Variants in DOCK3 observed in about 807,000 individuals in gnomAD.
DOCK3 encodes dedicator of cytokinesis protein 3.
In DOCK3, 60 loss-of-function variants were observed where a neutral mutation model predicts 265.6. The ratio of observed to expected loss-of-function variants is 0.23; its 90% CI spans 0.18 to 0.28. DOCK3 has a LOEUF of 0.28. Among genes scored for constraint, DOCK3 ranks in the 10% least tolerant of loss-of-function variants. DOCK3 has a pLI of 1.00. For synonymous variants in DOCK3, 881 were observed against 938.0 expected (o/e 0.94, Z 1.11); for missense variants, 1,981 against 2,594.3 (o/e 0.76, Z 5.14).
chr3:50,708,971 C>T (rs1301934840), intron 1 of DOCK3, among the ~76,000 whole-genome samples: 4 of 152,212 alleles, frequency 2.6e-5, no homozygotes, highest in Admixed American at 2.0e-4. Flanking sequence ...TGAAGCCCAC[C>T]ATCATCTCTC....
At chr3:50,765,743 C>T (rs1331333501) in intron 1 of DOCK3, among the ~76,000 whole-genome samples, 1 of 152,146 alleles carries the variant, frequency 6.6e-6, no homozygotes, top group Non-Finnish European at 1.5e-5. Flanking sequence ...TCACCTCAAG[C>T]ACTTGTCATT....
intron 5 of DOCK3, among the ~76,000 whole-genome samples, chr3:51,043,501 A>G (rs2080626319): frequency 6.6e-6 from 1 of 152,208 alleles, no homozygotes; most frequent in South Asian, 2.1e-4. Flanking sequence ...CAACCTAGGC[A>G]ATACCATTCA....
At chr3:50,906,642 G>A (rs994262354) in intron 4 of DOCK3, among the ~76,000 whole-genome samples, 2 of 151,748 alleles carry the variant, frequency 1.3e-5, no homozygotes, top group African/African-American at 4.8e-5. Context: ...CATCTATTTG[G>A]TTATTCTCTC....
chr3:50,782,576 AGT>A (rs145578993), intron 2 of DOCK3, among the ~76,000 whole-genome samples: 10,336 of 147,186 alleles, frequency 0.07, 847 homozygotes, highest in African/African-American at 0.2. Flanking sequence ...TTATTTTTTG[AGT>A]GTGTGTGTGT....
chr3:51,276,592 T>G, intron 25 of DOCK3: 2 of 237,070 alleles, frequency 8.4e-6, no homozygotes, highest in Non-Finnish European at 1.4e-5. Context: ...CAAGAGCTGC[T>G]CAAATTCTTC....
At chr3:51,239,768 G>GA (rs1560266180) in intron 21 of DOCK3, among the ~76,000 whole-genome samples, 1 of 151,672 alleles carries the variant, frequency 6.6e-6, no homozygotes, top group African/African-American at 2.4e-5. Flanking sequence ...TTCTCTGATG[G>GA]TTATTTGTAT....
intron 1 of DOCK3, among the ~76,000 whole-genome samples, chr3:50,707,272 C>T (rs1210900908): frequency 2.0e-5 from 3 of 151,554 alleles, no homozygotes; most frequent in African/African-American, 7.3e-5. Context: ...CCCGTCTCTA[C>T]TAAAAATACA....
At chr3:51,371,036 G>T (rs745608761) in intron 49 of DOCK3, among the ~76,000 whole-genome samples, 3 of 152,184 alleles carry the variant, frequency 2.0e-5, no homozygotes, top group African/African-American at 7.2e-5. Flanking sequence ...CCAGGAAGAA[G>T]CCTCAAGGCT....
intron 3 of DOCK3, among the ~76,000 whole-genome samples, chr3:50,889,710 T>C (rs894105199): frequency 4.7e-4 from 71 of 152,122 alleles, no homozygotes; most frequent in African/African-American, 1.6e-3. Flanking sequence ...ACAAGTTCTG[T>C]ACACAATACT....
rs755063773 is a variant in DOCK3 at position 51,355,009 on chromosome 3, A to G, written c.4235A>G (p.Gln1412Arg). 1 of 1,613,744 alleles carries G rather than the reference A, an allele frequency of 6.2e-7. No homozygotes were observed. The highest frequency in any genetic ancestry group is 8.5e-7 in the Non-Finnish European group (1 of 1,179,790). The stretch of plus-strand genomic sequence containing the variant: ...AACCATCCTGATGACGCCATCCTAC[A>G]GTGCGATGCCCAGTGTATCCTTTGA... The part of the protein sequence containing the change: ...HPNHPDDAIL[Q>R]CDAQYLQIYA... The change falls in exon 41 of 53, where the codon CAG becomes CGG. Residue 1412 changes from glutamine to arginine, a missense_variant. Coordinates refer to ENST00000266037, the MANE Select transcript of DOCK3 (RefSeq NM_004947.5).
intron 38 of DOCK3, among the ~76,000 whole-genome samples, chr3:51,342,788 G>A (rs552776767): frequency 1.3e-5 from 2 of 152,204 alleles, no homozygotes; most frequent in African/African-American, 2.4e-5. Flanking sequence ...CCTGAGTACT[G>A]TAGATGGACA....
chr3:50,932,168 G>C (rs1297029933), intron 4 of DOCK3, among the ~76,000 whole-genome samples: 1 of 152,166 alleles, frequency 6.6e-6, no homozygotes, highest in African/African-American at 2.4e-5. Flanking sequence ...TATAGATAAT[G>C]CCATTGCATT....
chr3:51,095,615 A>G (rs1333573691), intron 9 of DOCK3, among the ~76,000 whole-genome samples: 2 of 151,906 alleles, frequency 1.3e-5, no homozygotes, highest in African/African-American at 2.4e-5. Context: ...CCCTTTTAAC[A>G]TTTACATTTG....
chr3:51,264,975 A>C (rs567414845), intron 23 of DOCK3, among the ~76,000 whole-genome samples: 17 of 152,118 alleles, frequency 1.1e-4, no homozygotes, highest in Non-Finnish European at 1.9e-4. Flanking sequence ...TGAAGAAAAG[A>C]GAGAAGAATC....
chr3:50,919,612 C>A (rs2050323085), intron 4 of DOCK3, among the ~76,000 whole-genome samples: 1 of 152,142 alleles, frequency 6.6e-6, no homozygotes, highest in Non-Finnish European at 1.5e-5. Context: ...TATCCTGAGA[C>A]TTTGCTGAAG....
At chr3:50,932,477 TAGAA>T (rs929383549) in intron 4 of DOCK3, among the ~76,000 whole-genome samples, 3 of 152,194 alleles carry the variant, frequency 2.0e-5, no homozygotes, top group African/African-American at 7.2e-5. Flanking sequence ...TCTTTGGTCA[TAGAA>T]AGTTTTTATT....
At chr3:51,078,751 CAAT>C (rs1477023347) in intron 7 of DOCK3, among the ~76,000 whole-genome samples, 15 of 152,122 alleles carry the variant, frequency 9.9e-5, no homozygotes, top group African/African-American at 3.1e-4. Context: ...CTCAAAACAA[CAAT>C]AATAACAATG....
intron 4 of DOCK3, among the ~76,000 whole-genome samples, chr3:50,914,355 A>G (rs2050012445): frequency 6.6e-6 from 1 of 151,916 alleles, no homozygotes; most frequent in Non-Finnish European, 1.5e-5. Flanking sequence ...TTTCCTCTTA[A>G]TACCACTTTT....
At chr3:51,305,376 C>T (rs1160325363) in intron 27 of DOCK3, among the ~76,000 whole-genome samples, 2 of 152,148 alleles carry the variant, frequency 1.3e-5, no homozygotes, top group African/African-American at 2.4e-5. Flanking sequence ...TATAGCCATA[C>T]CAGTTCTCGT....
Sources: gnomAD v4.1 joint callset for allele counts (sites outside exome capture counted in the v4.1 genomes callset) on GRCh38, gnomAD v4.1.1 for gene constraint, MANE v1.5 for transcripts, NCBI Gene and HGNC (gene_info 2026-07-23, HGNC 2026-07-21) for gene names.